SERGEF: variants seen among roughly 807,000 people sequenced by gnomAD.
The protein encoded by SERGEF is secretion-regulating guanine nucleotide exchange factor.
In SERGEF, 51 loss-of-function variants were observed where a neutral mutation model predicts 50.0. The observed-to-expected ratio is 1.02, with a 90% CI of 0.81 to 1.29. The LOEUF (loss-of-function observed/expected upper bound fraction) is 1.29. SERGEF is among the 50% of genes most tolerant of loss of function. The pLI, the probability that SERGEF is intolerant of heterozygous loss-of-function variation, is 0.00. For missense variants in SERGEF, 521 were observed against 557.0 expected (o/e 0.94, Z 0.65); for synonymous variants, 205 against 212.4 (o/e 0.97, Z 0.30).
chr11:17,929,286 G>A (rs1201675997), intron 9 of SERGEF, among the ~76,000 whole-genome samples: 1 of 152,108 alleles, frequency 6.6e-6, no homozygotes, highest in Non-Finnish European at 1.5e-5. Flanking sequence ...ATCCCCAGAG[G>A]AAAAAATCAA....
intron 2 of SERGEF, among the ~76,000 whole-genome samples, chr11:18,007,239 A>G (rs1173152990): frequency 6.6e-6 from 1 of 152,196 alleles, no homozygotes; most frequent in Admixed American, 6.5e-5. Flanking sequence ...TTATACCAAC[A>G]CAGTTGTAAA....
chr11:17,834,756 T>A (rs1043960410), intron 10 of SERGEF, among the ~76,000 whole-genome samples: 2 of 152,264 alleles, frequency 1.3e-5, no homozygotes, highest in Non-Finnish European at 2.9e-5. Context: ...TGTGTACTAT[T>A]CCTACCTTTT....
At chr11:17,864,687 A>C (rs1850990005) in intron 10 of SERGEF, among the ~76,000 whole-genome samples, 1 of 152,200 alleles carries the variant, frequency 6.6e-6, no homozygotes, top group Non-Finnish European at 1.5e-5. Context: ...ACTGGTAACC[A>C]AGAGAGCTAA....
At chr11:17,882,187 G>T (rs1448929023) in intron 9 of SERGEF, among the ~76,000 whole-genome samples, 4 of 152,046 alleles carry the variant, frequency 2.6e-5, no homozygotes, top group African/African-American at 9.7e-5. Flanking sequence ...AGGCCAAGGC[G>T]GGGGGATCGT....
chr11:17,984,118 T>A (rs1853548558), intron 8 of SERGEF, among the ~76,000 whole-genome samples: 1 of 152,144 alleles, frequency 6.6e-6, no homozygotes, highest in African/African-American at 2.4e-5. Context: ...ACACAATGGG[T>A]TTGAAGAGAT....
At chr11:18,005,641 G>C (rs2134012738) in intron 3 of SERGEF, among the ~76,000 whole-genome samples, 1 of 152,236 alleles carries the variant, frequency 6.6e-6, no homozygotes, top group Non-Finnish European at 1.5e-5. Context: ...AACCACAGAT[G>C]GTCCTTTAAA....
intron 9 of SERGEF, among the ~76,000 whole-genome samples, chr11:17,914,681 G>A (rs187214229): frequency 3.6e-4 from 55 of 152,240 alleles, no homozygotes; most frequent in Admixed American, 9.8e-4. Flanking sequence ...CATTGTCCTC[G>A]TTAAAAGAGA....
At chr11:17,951,125 T>C (rs1852765891) in intron 9 of SERGEF, among the ~76,000 whole-genome samples, 1 of 152,214 alleles carries the variant, frequency 6.6e-6, no homozygotes, top group South Asian at 2.1e-4. Context: ...ATGGTGGTTC[T>C]AGGTAGCTCC....
chr11:17,801,012 G>A (rs188486210), intron 10 of SERGEF, among the ~76,000 whole-genome samples: 24 of 152,066 alleles, frequency 1.6e-4, no homozygotes, highest in East Asian at 9.7e-4. Context: ...TGGCTAACAC[G>A]GTGAAAGCCT....
chr11:17,876,764 C>T (rs1423365215), intron 10 of SERGEF, among the ~76,000 whole-genome samples: 2 of 152,212 alleles, frequency 1.3e-5, no homozygotes, highest in African/African-American at 2.4e-5. Flanking sequence ...TTATGTTGGT[C>T]CCAGGGGAAG....
chr11:17,966,691 A>G (rs1162330908), intron 8 of SERGEF, among the ~76,000 whole-genome samples: 1 of 152,226 alleles, frequency 6.6e-6, no homozygotes, highest in African/African-American at 2.4e-5. Context: ...AAATGTCACA[A>G]GTTTCCAAAG....
At chr11:17,819,419 G>A (rs1288599369) in intron 10 of SERGEF, among the ~76,000 whole-genome samples, 4 of 152,146 alleles carry the variant, frequency 2.6e-5, no homozygotes, top group African/African-American at 7.2e-5. Flanking sequence ...TTATATTCCA[G>A]GGGTGTGCCA....
intron 9 of SERGEF, among the ~76,000 whole-genome samples, chr11:17,945,210 G>A (rs1357891887): frequency 6.6e-6 from 1 of 152,228 alleles, no homozygotes; most frequent in Non-Finnish European, 1.5e-5. Flanking sequence ...TGCCGCCTAG[G>A]TAGGAAACAC....
intron 9 of SERGEF, among the ~76,000 whole-genome samples, chr11:17,955,061 G>C (rs1852838713): frequency 6.6e-6 from 1 of 152,182 alleles, no homozygotes; most frequent in Non-Finnish European, 1.5e-5. Context: ...CACTAGAATG[G>C]GTAGGCATCC....
intron 5 of SERGEF, among the ~76,000 whole-genome samples, chr11:17,997,473 C>T (rs1853860246): frequency 2.0e-5 from 3 of 152,108 alleles, no homozygotes; most frequent in African/African-American, 2.4e-5. Context: ...TATGGTAGTT[C>T]CTCAGAAAAT....
intron 8 of SERGEF, among the ~76,000 whole-genome samples, chr11:17,967,198 C>T (rs898035197): frequency 1.3e-5 from 2 of 152,194 alleles, no homozygotes; most frequent in African/African-American, 4.8e-5. Flanking sequence ...GAGCCAGCAG[C>T]TTTCAATGGC....
intron 10 of SERGEF, among the ~76,000 whole-genome samples, chr11:17,802,288 TC>T: frequency 6.6e-6 from 1 of 152,096 alleles, no homozygotes; most frequent in East Asian, 1.9e-4. Flanking sequence ...AAACATTGGT[TC>T]TAAGAATAAA....
intron 8 of SERGEF, among the ~76,000 whole-genome samples, chr11:17,960,894 C>T (rs1300030837): frequency 1.3e-5 from 2 of 152,218 alleles, no homozygotes; most frequent in Non-Finnish European, 2.9e-5. Context: ...ATTATGAGAG[C>T]TGGGAGTAGG....
chr11:17,843,318 T>C (rs554012957), intron 10 of SERGEF, among the ~76,000 whole-genome samples: 1 of 152,290 alleles, frequency 6.6e-6, no homozygotes, highest in South Asian at 2.1e-4. Context: ...TCACTGGGCA[T>C]GTAAAGGAAG....
Sources: allele counts gnomAD v4.1 joint callset (sites outside exome capture counted in the v4.1 genomes callset), GRCh38; gene constraint gnomAD v4.1.1; transcripts MANE v1.5; gene names NCBI Gene and HGNC (gene_info 2026-07-23, HGNC 2026-07-21).